COL24A1: variants seen among roughly 807,000 people sequenced by gnomAD.
The protein encoded by COL24A1 is collagen alpha-1(XXIV) chain.
Under a neutral mutation model 253.9 loss-of-function variants are expected in COL24A1, and 224 were observed. That is an observed-to-expected ratio of 0.88 (90% confidence interval 0.79 to 0.99). The LOEUF (loss-of-function observed/expected upper bound fraction) is 0.99, where lower values mean the gene tolerates loss of function less well. Among genes scored for constraint, COL24A1 ranks in the 50% least tolerant of loss-of-function variants. The pLI, the probability that COL24A1 is intolerant of heterozygous loss-of-function variation, is 0.00. For synonymous variants in COL24A1, 685 were observed against 673.7 expected (o/e 1.02, Z -0.26); for missense variants, 2,131 against 2,068.5 (o/e 1.03, Z -0.59).
intron 18 of COL24A1, among the ~76,000 whole-genome samples, chr1:86,017,578 T>C (rs1024882554): frequency 6.6e-6 from 1 of 152,142 alleles, no homozygotes; most frequent in African/African-American, 2.4e-5. Context: ...CCCAGGGCTG[T>C]CTCTGAAAAT....
At chr1:86,097,262 C>G (rs1703965021) in intron 5 of COL24A1, among the ~76,000 whole-genome samples, 1 of 152,190 alleles carries the variant, frequency 6.6e-6, no homozygotes, top group Non-Finnish European at 1.5e-5. Context: ...CTTTTGTTCT[C>G]TCTTGGACCT....
At chr1:85,781,563 A>C (rs1355332247) in intron 51 of COL24A1, among the ~76,000 whole-genome samples, 1 of 152,202 alleles carries the variant, frequency 6.6e-6, no homozygotes, top group East Asian at 1.9e-4. Flanking sequence ...GATGCATTTT[A>C]CATGTATGTT....
Position 85,971,322 on chromosome 1 carries a change from A to C in COL24A1, c.2418+18T>G. The C allele has an allele frequency of 6.2e-7, 1 of 1,607,572 alleles. No homozygotes were observed. The highest frequency in any genetic ancestry group is 8.5e-7 in the Non-Finnish European group (1 of 1,177,088). On this transcript the variant is annotated intron_variant, in intron 21 of 59. Transcript: ENST00000370571. ...TAAAAACCTTGCTGAAGCTGACTGG[A>C]TATCACTTCTTCCATACCTGAGTTC...
chr1:85,998,369 C>A (rs1695063364), intron 19 of COL24A1, among the ~76,000 whole-genome samples: 1 of 152,206 alleles, frequency 6.6e-6, no homozygotes, highest in Non-Finnish European at 1.5e-5. Context: ...AAAACTTTCA[C>A]AATCCACCTT....
chr1:86,117,624 CAT>C (rs780232684), intron 3 of COL24A1, among the ~76,000 whole-genome samples: 74 of 152,258 alleles, frequency 4.9e-4, no homozygotes, highest in Non-Finnish European at 7.2e-4. Context: ...TCAATTCTCA[CAT>C]GTCTTCATAA....
chr1:86,034,803 C>T (rs1396279506), intron 12 of COL24A1, among the ~76,000 whole-genome samples: 1 of 152,048 alleles, frequency 6.6e-6, no homozygotes, highest in African/African-American at 2.4e-5. Context: ...TCTTACTTTA[C>T]AATACTACAT....
chr1:86,109,921 T>C (rs900758172), intron 5 of COL24A1, among the ~76,000 whole-genome samples: 11 of 152,278 alleles, frequency 7.2e-5, no homozygotes, highest in Admixed American at 4.6e-4. Flanking sequence ...GTTCCTTCCA[T>C]TGTGTGATGA....
At chr1:85,894,272 C>T (rs7535642) in intron 31 of COL24A1, among the ~76,000 whole-genome samples, 1 of 152,124 alleles carries the variant, frequency 6.6e-6, no homozygotes, top group African/African-American at 2.4e-5. Flanking sequence ...CCATGTCATA[C>T]ACTAAGGTAA....
At chr1:86,063,523 G>A (rs1220044476) in intron 8 of COL24A1, among the ~76,000 whole-genome samples, 192 bp downstream of exon 8, 1 of 151,902 alleles carries the variant, frequency 6.6e-6, no homozygotes, top group Non-Finnish European at 1.5e-5. Context: ...GATTAACAGT[G>A]AAATATTATG....
At chr1:86,118,861 T>C (rs544570763) in intron 3 of COL24A1, among the ~76,000 whole-genome samples, 36 of 152,072 alleles carry the variant, frequency 2.4e-4, no homozygotes, top group Non-Finnish European at 4.4e-4. Flanking sequence ...ACAAAACTAA[T>C]AAAAGACACA....
intron 28 of COL24A1, among the ~76,000 whole-genome samples, chr1:85,898,112 G>A (rs1683934869): frequency 6.6e-6 from 1 of 152,182 alleles, no homozygotes; most frequent in African/African-American, 2.4e-5. Context: ...GTGTGGAAAA[G>A]AAGACTGGGA....
rs1378004830 is a variant in COL24A1 at position 85,823,817 on chromosome 1, G to A, written c.3682-79C>T. On this transcript the variant is annotated intron_variant, in intron 43 of 59. Coordinates refer to ENST00000370571, the MANE Select transcript of COL24A1 (RefSeq NM_152890.7). ...AGAATAGGATACTATCACTTAAAAT[G>A]GTAGCAAAGTGTTGCAAAGCTCAAC... 4 of 1,303,470 alleles carry A rather than the reference G, an allele frequency of 3.1e-6. No individual in the cohort carries two copies. The South Asian group carries it at 3.8e-5, about 12-fold the overall frequency. 80.7% of individuals were successfully genotyped at this position (1,303,470 alleles called of 1,614,324 possible). A position where few individuals can be genotyped will look rare whatever the true frequency, so the allele number is the denominator to read the frequency against.
At chr1:85,972,785 A>G (rs1692302741) in intron 20 of COL24A1, among the ~76,000 whole-genome samples, 1 of 152,188 alleles carries the variant, frequency 6.6e-6, no homozygotes, top group Non-Finnish European at 1.5e-5. Context: ...GCCCAACTGA[A>G]GCACGTTTCA....
At chr1:86,111,727 T>A (rs1463583782) in intron 5 of COL24A1, among the ~76,000 whole-genome samples, 1 of 152,112 alleles carries the variant, frequency 6.6e-6, no homozygotes, top group Non-Finnish European at 1.5e-5. Flanking sequence ...TTATGAGCTG[T>A]AACACTGTGA....
At chr1:86,082,960 G>A (rs1458232856) in intron 7 of COL24A1, among the ~76,000 whole-genome samples, 1 of 151,756 alleles carries the variant, frequency 6.6e-6, no homozygotes, top group Non-Finnish European at 1.5e-5. Context: ...GGAGCACTTC[G>A]GATTTCAAAT....
At chr1:85,839,750 C>T (rs937327920) in intron 42 of COL24A1, among the ~76,000 whole-genome samples, 7 of 151,854 alleles carry the variant, frequency 4.6e-5, no homozygotes, top group Non-Finnish European at 1.0e-4. Flanking sequence ...TTTTAATTTT[C>T]AAGACATAAA....
At chr1:86,112,983 G>A (rs1204326548) in intron 4 of COL24A1, among the ~76,000 whole-genome samples, 2 of 152,006 alleles carry the variant, frequency 1.3e-5, no homozygotes, top group Admixed American at 6.6e-5. Context: ...TGTTCTAACT[G>A]CCTTATGACA....
chr1:86,091,134 C>A (rs1400400043), intron 6 of COL24A1, among the ~76,000 whole-genome samples: 1 of 151,926 alleles, frequency 6.6e-6, no homozygotes, highest in Non-Finnish European at 1.5e-5. Context: ...AATGAAAATA[C>A]TATGTTTATA....
intron 1 of COL24A1, among the ~76,000 whole-genome samples, chr1:86,153,657 T>C (rs531346054): frequency 5.3e-4 from 81 of 152,302 alleles, no homozygotes; most frequent in African/African-American, 1.9e-3. Context: ...TTCCATAAAT[T>C]AGATTTACTC....
Sources: allele counts gnomAD v4.1 joint callset (sites outside exome capture counted in the v4.1 genomes callset), GRCh38; gene constraint gnomAD v4.1.1; transcripts MANE v1.5; gene names NCBI Gene and HGNC (gene_info 2026-07-23, HGNC 2026-07-21).